Variants in FGD6 observed in about 807,000 individuals in gnomAD.
The protein encoded by FGD6 is FYVE, RhoGEF and PH domain-containing protein 6.
In FGD6, 90 loss-of-function variants were observed where a neutral mutation model predicts 149.4. That is an observed-to-expected ratio of 0.60 (90% CI 0.51 to 0.72). The LOEUF (loss-of-function observed/expected upper bound fraction) is 0.72. Among genes scored for constraint, FGD6 ranks in the 30% least tolerant of loss-of-function variants. FGD6 has a pLI of 0.00. For missense variants in FGD6, 1,437 were observed against 1,684.8 expected (o/e 0.85, Z 2.57); for synonymous variants, 527 against 584.0 (o/e 0.90, Z 1.41).
intron 3 of FGD6, among the ~76,000 whole-genome samples, chr12:95,159,220 T>C (rs1880567874): frequency 6.6e-6 from 1 of 152,178 alleles, no homozygotes; most frequent in Non-Finnish European, 1.5e-5. Flanking sequence ...TCTCTCCTTC[T>C]CAGGACCTTG....
intron 3 of FGD6, among the ~76,000 whole-genome samples, chr12:95,166,010 G>C (rs1173841249): frequency 2.0e-5 from 3 of 150,300 alleles, no homozygotes; most frequent in African/African-American, 7.4e-5. Context: ...GCTCAGGCTG[G>C]AGTGCAGACT....
At chr12:95,089,487 C>T (rs1877980037) in intron 18 of FGD6, 82 bp downstream of exon 18, 9 of 1,479,830 alleles carry the variant, frequency 6.1e-6, no homozygotes, top group Non-Finnish European at 8.2e-6. Flanking sequence ...TGACATCTTC[C>T]TTTATGAAAG....
intron 12 of FGD6, 78 bp downstream of exon 12, chr12:95,107,485 C>A: frequency 7.1e-7 from 1 of 1,409,326 alleles, no homozygotes; most frequent in Non-Finnish European, 1.0e-6. Flanking sequence ...CTAAGCTTAT[C>A]TACCATGTAT....
At chr12:95,129,845 G>A (rs1263192376) in intron 8 of FGD6, among the ~76,000 whole-genome samples, 2 of 150,630 alleles carry the variant, frequency 1.3e-5, no homozygotes, top group African/African-American at 2.4e-5. Context: ...GCTAATTTTT[G>A]TTTTTTTTTG....
rs774636966 is a variant in FGD6, at chr12:95,149,147, T to G, written c.2685+3664A>C. 8.0e-3 allele frequency among the ~76,000 whole-genome samples: 155 copies of G among 19,452 alleles called. 60 individuals are homozygous for G. Among genetic ancestry groups the G allele is most frequent in the African/African-American group, 0.046 (73 of 1,586 alleles). 12.8% of individuals were successfully genotyped at this position (19,452 alleles called of 152,430 possible). A position where few individuals can be genotyped will look rare whatever the true frequency, so the allele number is the denominator to read the frequency against. ...ATAATATATAGCATATATTATATAT[T>G]ATATAATATATAGCATATATAATAT... is the stretch of plus-strand genomic sequence containing the variant. On this transcript the variant is annotated intron_variant, in intron 5 of 20. Transcript: ENST00000343958.
At chr12:95,143,577 A>G (rs1879920675) in intron 5 of FGD6, among the ~76,000 whole-genome samples, 1 of 152,202 alleles carries the variant, frequency 6.6e-6, no homozygotes, top group Non-Finnish European at 1.5e-5. Flanking sequence ...TTCTCATAGT[A>G]TTATAAGCTC....
intron 11 of FGD6, 100 bp from the exon 12 acceptor site, chr12:95,107,731 C>A: frequency 8.2e-7 from 1 of 1,224,150 alleles, no homozygotes. Context: ...TTTTTCATGA[C>A]AGACTGGGGA....
chr12:95,207,266 T>C (rs1308562770), intron 2 of FGD6, among the ~76,000 whole-genome samples: 1 of 152,170 alleles, frequency 6.6e-6, no homozygotes. Context: ...GTTTGCTTCC[T>C]CTTCCGCCAT....
chr12:95,212,505 T>G (rs1851290317), intron 1 of FGD6, among the ~76,000 whole-genome samples: 1 of 152,240 alleles, frequency 6.6e-6, no homozygotes, highest in Admixed American at 6.5e-5. Context: ...TGTATATCTG[T>G]AAGTTCCTTT....
Position 95,217,339 on chromosome 12 carries a change from G to T in FGD6, c.-99C>A. On this transcript the variant is annotated 5_prime_UTR_variant, in exon 1 of 21. Coordinates refer to ENST00000343958, the MANE Select transcript of FGD6 (RefSeq NM_018351.4). ...GTTCGGGTAGGAGAGAAAAGCCCCC[G>T]CAGCGCCCACATTCCGTCCCGCCGC... 1 of 1,434,102 alleles carries T rather than the reference G, an allele frequency of 7.0e-7. No individual in the cohort carries two copies. The allele number at this position is 1,434,102 out of a possible 1,614,324, so 88.8% of individuals were successfully genotyped here. A position where few individuals can be genotyped will look rare whatever the true frequency, so the allele number is the denominator to read the frequency against.
In FGD6 at chr12:95,149,284, TATA is replaced by T. The variant is rs1225651414; in HGVS notation, c.2685+3524_2685+3526del. Among the ~76,000 whole-genome samples the T allele has an allele frequency of 1.1e-4, 9 of 82,248 alleles. 2 individuals carry two copies. Among genetic ancestry groups the T allele is most frequent in the Non-Finnish European group, 1.5e-4 (7 of 45,622 alleles). 54.0% of individuals were successfully genotyped at this position (82,248 alleles called of 152,430 possible). On this transcript the variant is annotated intron_variant, in intron 5 of 20. Coordinates refer to ENST00000343958, the MANE Select transcript of FGD6 (RefSeq NM_018351.4). ...TATATATTATATTACATATAGCATATATAATATTATATATAATATATTATATTA... is the reference window on the plus strand; with the variant it reads ...TATATATTATATTACATATAGCATATATATTATATATAATATATTATATTA...
In FGD6 at chr12:95,089,682, G is replaced by T; in HGVS notation, c.3865C>A (p.Pro1289Thr). 3 of 1,613,714 alleles carry T rather than the reference G, an allele frequency of 1.9e-6. No homozygotes were observed. The highest frequency in any genetic ancestry group is 1.7e-5 in the Admixed American group (1 of 60,014). ...TGATTTCCAGGAGATCCAATCCTAG[G>T]GGAGTGCTGGTGATCTAGAACAAAT... is the stretch of plus-strand genomic sequence containing the variant. ...ELQKLDHQHS[P>T]RIGSPGNHKS... is the part of the protein sequence containing the mutation. Residue 1289 changes from proline (P) to threonine (T), a missense_variant, in exon 18 of 21, where the codon CCT becomes ACT. Pro to Thr is a conservative substitution (Grantham distance 38). Around this residue, in one of 2 missense-constraint regions of FGD6, gnomAD observed 382 missense variants for 538.7 expected, o/e 0.71. Coordinates refer to ENST00000343958, the MANE Select transcript of FGD6 (RefSeq NM_018351.4).
At chr12:95,203,749 A>C (rs932137069) in intron 2 of FGD6, among the ~76,000 whole-genome samples, 4 of 152,232 alleles carry the variant, frequency 2.6e-5, no homozygotes, top group Admixed American at 2.6e-4. Flanking sequence ...TTTTCTTTGA[A>C]ATATTTATAA....
chr12:95,217,103 G>A (rs1255961434), intron 1 of FGD6, 122 bp downstream of exon 1: 3 of 1,454,004 alleles, frequency 2.1e-6, no homozygotes, highest in Non-Finnish European at 2.8e-6. Context: ...GCTTGCCGAG[G>A]TGCTCGGCAA....
At chr12:95,164,747 A>G (rs987288178) in intron 3 of FGD6, among the ~76,000 whole-genome samples, 1 of 152,114 alleles carries the variant, frequency 6.6e-6, no homozygotes, top group Non-Finnish European at 1.5e-5. Context: ...TTACTTTTTA[A>G]TAGAATTATT....
chr12:95,209,886 A>G lies in FGD6; in HGVS notation c.1398T>C (p.His466=). 6.2e-7 allele frequency: 1 copy of G among 1,613,316 alleles called. No homozygotes were observed. Among genetic ancestry groups the G allele is most frequent in the South Asian group, 1.1e-5 (1 of 90,726 alleles). The change falls in exon 2 of 21, where the codon CAT becomes CAC. Residue 466 remains histidine, a synonymous_variant. Transcript: ENST00000343958. The part of the protein sequence containing the change: ...PKQLKLTCNE[H]LQSGRNLGVS... ...CTCCCAGGTTTCTCCCAGATTGCAA[A>G]TGTTCATTGCAAGTTAATTTGAGCT...
intron 5 of FGD6, among the ~76,000 whole-genome samples, chr12:95,149,543 T>A (rs1045443375): frequency 6.5e-5 from 9 of 138,746 alleles, no homozygotes; most frequent in Admixed American, 1.7e-4. Flanking sequence ...TATATATATA[T>A]AATATATATA....
chr12:95,198,035 G>A (rs1351806463), intron 2 of FGD6, among the ~76,000 whole-genome samples: 1 of 152,176 alleles, frequency 6.6e-6, no homozygotes, highest in Non-Finnish European at 1.5e-5. Flanking sequence ...CACTGCAGGT[G>A]TCTCTGTGTT....
chr12:95,111,748 A>G (rs6538593), intron 9 of FGD6, among the ~76,000 whole-genome samples: 95,584 of 151,850 alleles, frequency 0.63, 30,360 homozygotes, highest in East Asian at 0.68. Context: ...ACTAGATATG[A>G]TCACTGAAGA....
Sources: allele counts gnomAD v4.1 joint callset (sites outside exome capture counted in the v4.1 genomes callset), GRCh38; gene constraint gnomAD v4.1.1; regional missense constraint gnomAD v4.1.1; transcripts MANE v1.5; gene names NCBI Gene and HGNC (gene_info 2026-07-23, HGNC 2026-07-21).